The following BAZ2B variants were observed in gnomAD, a reference collection of about 807,000 sequenced individuals.
BAZ2B encodes the protein bromodomain adjacent to zinc finger domain protein 2B.
Under a neutral mutation model 246.0 loss-of-function variants are expected in BAZ2B, and 91 were observed. The observed-to-expected ratio is 0.37, with a 90% CI of 0.31 to 0.44. BAZ2B has a LOEUF of 0.44. Ranked by LOEUF, BAZ2B falls within the 20% of genes least tolerant of loss-of-function variation. The probability of loss-of-function intolerance (pLI) is 1.00; values close to 1 mark genes in which losing one functional copy is unlikely to be tolerated. For synonymous variants in BAZ2B, 855 were observed against 860.0 expected (o/e 0.99, Z 0.10); for missense variants, 2,332 against 2,533.7 (o/e 0.92, Z 1.71).
chr2:159,502,324 A>G (rs948111725), intron 2 of BAZ2B, among the ~76,000 whole-genome samples: 2 of 66,404 alleles, frequency 3.0e-5, no homozygotes, highest in Admixed American at 1.1e-4. Context: ...ATATCTCCAT[A>G]AAGCTGTTAA....
chr2:159,535,963 T>C (rs1427681066), intron 2 of BAZ2B, among the ~76,000 whole-genome samples: 2 of 152,244 alleles, frequency 1.3e-5, no homozygotes, highest in Non-Finnish European at 2.9e-5. Flanking sequence ...TTCTCATACA[T>C]TAATGCTTTA....
intron 21 of BAZ2B, among the ~76,000 whole-genome samples, chr2:159,388,284 A>G (rs906829943): frequency 2.0e-5 from 3 of 152,162 alleles, no homozygotes; most frequent in African/African-American, 7.2e-5. Flanking sequence ...TAGAAGTACC[A>G]TCTTCTTAAC....
At chr2:159,663,770 G>T in the BAZ2B span, among the ~76,000 whole-genome samples, 12 of 151,040 alleles carry the variant, frequency 7.9e-5, no homozygotes, top group African/African-American at 1.5e-4. Context: ...GCTTGCCTTG[G>T]CCTCCAAAAA....
chr2:159,409,258 A>G (rs2066444843), intron 14 of BAZ2B, among the ~76,000 whole-genome samples: 1 of 152,192 alleles, frequency 6.6e-6, no homozygotes, highest in African/African-American at 2.4e-5. Flanking sequence ...AATGTAACTG[A>G]TAACTGGCAG....
intron 1 of BAZ2B, among the ~76,000 whole-genome samples, chr2:159,565,431 G>A (rs1227961306): frequency 6.6e-6 from 1 of 152,040 alleles, no homozygotes; most frequent in African/African-American, 2.4e-5. Flanking sequence ...TCTAGAGAGA[G>A]AAAAAATGAT....
intron 31 of BAZ2B, among the ~76,000 whole-genome samples, chr2:159,345,776 C>T (rs2067677176): frequency 6.6e-6 from 1 of 152,194 alleles, no homozygotes; most frequent in Non-Finnish European, 1.5e-5. Flanking sequence ...AGGACAACCA[C>T]AGACTATAGA....
chr2:159,686,652 G>T, the BAZ2B span, among the ~76,000 whole-genome samples: 1 of 152,158 alleles, frequency 6.6e-6, no homozygotes, highest in Non-Finnish European at 1.5e-5. Context: ...GAAGTCTGGA[G>T]TTTAAAAAGA....
intron 2 of BAZ2B, among the ~76,000 whole-genome samples, chr2:159,520,030 A>G (rs2083961126): frequency 6.6e-6 from 1 of 152,010 alleles, no homozygotes; most frequent in Admixed American, 6.5e-5. Context: ...TAGAACATTT[A>G]CTTTTTGTTA....
chr2:159,485,722 A>C (rs375783635), intron 2 of BAZ2B, among the ~76,000 whole-genome samples: 23 of 152,252 alleles, frequency 1.5e-4, no homozygotes, highest in African/African-American at 4.6e-4. Flanking sequence ...ACCAACAAAA[A>C]ACACACACAA....
the BAZ2B span, among the ~76,000 whole-genome samples, chr2:159,691,800 T>C: frequency 1.4e-4 from 21 of 152,320 alleles, no homozygotes; most frequent in Middle Eastern, 3.4e-3. Flanking sequence ...TACAGTGCCA[T>C]TTACTGAAGA....
At chr2:159,531,430 C>G (rs1161487214) in intron 2 of BAZ2B, among the ~76,000 whole-genome samples, 1 of 152,040 alleles carries the variant, frequency 6.6e-6, no homozygotes, top group Non-Finnish European at 1.5e-5. Flanking sequence ...CTCTTAAAAG[C>G]TTATTTCTTT....
the BAZ2B span, among the ~76,000 whole-genome samples, chr2:159,624,875 A>G: frequency 1.3e-5 from 2 of 152,248 alleles, no homozygotes; most frequent in East Asian, 3.9e-4. Flanking sequence ...GAGTAATAAC[A>G]AACTCCTCTG....
At chr2:159,477,883 C>T (rs939051258) in intron 3 of BAZ2B, among the ~76,000 whole-genome samples, 2 of 152,168 alleles carry the variant, frequency 1.3e-5, no homozygotes, top group Non-Finnish European at 2.9e-5. Flanking sequence ...AATGCAATGG[C>T]GCAATCTTGG....
chr2:159,353,703 T>G (rs1318695761), intron 27 of BAZ2B, among the ~76,000 whole-genome samples: 1 of 152,188 alleles, frequency 6.6e-6, no homozygotes, highest in Non-Finnish European at 1.5e-5. Context: ...AGGCTGGGAA[T>G]AGTTCCCGTT....
intron 2 of BAZ2B, among the ~76,000 whole-genome samples, chr2:159,525,347 T>C (rs756833663): frequency 6.6e-6 from 1 of 152,192 alleles, no homozygotes; most frequent in Non-Finnish European, 1.5e-5. Context: ...TTTATAGCAG[T>C]AGCACCTATA....
At chr2:159,641,280 T>G in the BAZ2B span, among the ~76,000 whole-genome samples, 1 of 152,232 alleles carries the variant, frequency 6.6e-6, no homozygotes, top group Non-Finnish European at 1.5e-5. Flanking sequence ...TGTTAGTATC[T>G]CATTGCGGTT....
At chr2:159,579,917 C>T (rs1222708626) in intron 1 of BAZ2B, among the ~76,000 whole-genome samples, 2 of 152,138 alleles carry the variant, frequency 1.3e-5, no homozygotes, top group East Asian at 3.9e-4. Context: ...TGGGATGTAT[C>T]TCAAAATAAT....
chr2:159,594,155 G>T (rs920431236), intron 1 of BAZ2B, among the ~76,000 whole-genome samples: 1 of 152,220 alleles, frequency 6.6e-6, no homozygotes, highest in Non-Finnish European at 1.5e-5. Flanking sequence ...TGTAATCCCA[G>T]CACTTTGGGA....
At chr2:159,595,054 A>C (rs989811527) in intron 1 of BAZ2B, among the ~76,000 whole-genome samples, 1 of 152,132 alleles carries the variant, frequency 6.6e-6, no homozygotes, top group Admixed American at 6.5e-5. Flanking sequence ...ATGCGTAATA[A>C]CTTCTAAGCA....
Sources: allele counts gnomAD v4.1 joint callset (sites outside exome capture counted in the v4.1 genomes callset), GRCh38; gene constraint gnomAD v4.1.1; transcripts MANE v1.5; gene names NCBI Gene and HGNC (gene_info 2026-07-23, HGNC 2026-07-21).